NGRN: variants seen among roughly 807,000 people sequenced by gnomAD.
NGRN encodes the protein neugrin, neurite outgrowth associated, also known as neugrin.
NGRN carries 12 observed loss-of-function variants against 13.1 expected under a neutral mutation model. The observed-to-expected ratio is 0.92, with a 90% CI of 0.59 to 1.49. The LOEUF (loss-of-function observed/expected upper bound fraction) is 1.49. Ranked by LOEUF, NGRN falls within the 40% of genes most tolerant of loss-of-function variation. The pLI is 0.00. For missense variants in NGRN, 397 were observed against 357.0 expected (o/e 1.11, Z -0.90); for synonymous variants, 149 against 145.8 (o/e 1.02, Z -0.16).
chr15:90,270,442 C>G (rs946132240), intron 2 of NGRN, among the ~76,000 whole-genome samples: 8 of 152,208 alleles, frequency 5.3e-5, no homozygotes, highest in African/African-American at 1.7e-4. Context: ...TTCATCCTTT[C>G]AGACCAACTC....
At chr15:90,270,517 G>T (rs914912471) in intron 2 of NGRN, among the ~76,000 whole-genome samples, 8 of 152,044 alleles carry the variant, frequency 5.3e-5, no homozygotes, top group African/African-American at 1.9e-4. Flanking sequence ...CTATATCTGG[G>T]TCTCCCTCCT....
chr15:90,265,884 C>T lies in NGRN; in HGVS notation c.164+8C>T, dbSNP rs1344531740. 6.4e-7 allele frequency: 1 copy of T among 1,555,674 alleles called. No homozygotes were observed. The highest frequency in any genetic ancestry group is 8.7e-7 in the Non-Finnish European group (1 of 1,152,634). ...GCTGCAGGAGGTGGAGAGGTACCGG[C>T]TTCTCCCCGGGCCCTCAGCTTGAAG... On this transcript the variant is annotated splice_region_variant and intron_variant, in intron 1 of 2. Transcript: ENST00000379095.
At chr15:90,266,046 C>T (rs1034580079) in intron 1 of NGRN, 170 bp downstream of exon 1, 1 of 1,421,124 alleles carries the variant, frequency 7.0e-7, no homozygotes, top group South Asian at 1.6e-5. Context: ...CCTGGGACCA[C>T]TGGTCCCTTC....
At chr15:90,269,584 G>A (rs1405382999) in intron 2 of NGRN, among the ~76,000 whole-genome samples, 1 of 151,668 alleles carries the variant, frequency 6.6e-6, no homozygotes, top group Non-Finnish European at 1.5e-5. Context: ...TGTCATTTTA[G>A]TTCACTCTGC....
rs1963462331 is a variant in NGRN, at chr15:90,268,659, T to C, written c.275+2261T>C. Among the ~76,000 whole-genome samples the C allele has an allele frequency of 2.0e-5, 3 of 152,162 alleles. No homozygotes were observed. In the South Asian group the frequency reaches 6.2e-4, roughly 32 times the overall value. On this transcript the variant is annotated intron_variant, in intron 2 of 2. Transcript: ENST00000379095. Reference sequence around the variant, plus strand: ...CCTACCCTTTGTTTGTTTGTATCACTGCAATAAAACTGCTCTCCTTAAATC... The same window carrying C: ...CCTACCCTTTGTTTGTTTGTATCACCGCAATAAAACTGCTCTCCTTAAATC...
chr15:90,266,605 T>A (rs1963427110), intron 2 of NGRN, among the ~76,000 whole-genome samples: 1 of 152,202 alleles, frequency 6.6e-6, no homozygotes. Context: ...GTTTTGTTTT[T>A]TAAAGAGACG....
At chr15:90,270,115 C>T (rs575823658) in intron 2 of NGRN, among the ~76,000 whole-genome samples, 4 of 152,176 alleles carry the variant, frequency 2.6e-5, no homozygotes, top group African/African-American at 7.2e-5. Context: ...AGGCTGGTCT[C>T]GAACTCCTGG....
Position 90,271,167 on chromosome 15 carries a change from A to T in NGRN, c.276-21A>T, listed in dbSNP as rs548014673. The T allele has an allele frequency of 3.1e-6, 5 of 1,598,048 alleles. No homozygotes were observed. The East Asian group carries it at 1.1e-4, about 36-fold the overall frequency. On this transcript the variant is annotated intron_variant, in intron 2 of 2. Coordinates refer to ENST00000379095, the MANE Select transcript of NGRN (RefSeq NM_001033088.3). ...TAGGAGACTTCTTCACAACTTGCAA[A>T]CCTGCTCCTTCTTCCCGTAGGTATT...
At chr15:90,270,059 T>C (rs1963482423) in intron 2 of NGRN, among the ~76,000 whole-genome samples, 1 of 152,132 alleles carries the variant, frequency 6.6e-6, no homozygotes, top group African/African-American at 2.4e-5. Context: ...CTAGGTTGAA[T>C]TCCTTTTTTT....
chr15:90,266,030 A>G, intron 1 of NGRN, 154 bp downstream of exon 1: 1 of 1,392,738 alleles, frequency 7.2e-7, no homozygotes, highest in Non-Finnish European at 9.2e-7. Context: ...TCAGGTGTTC[A>G]GCTCCCCTGG....
Position 90,271,406 on chromosome 15 carries a change from C to A in NGRN, c.494C>A (p.Ala165Glu). The A allele has an allele frequency of 1.9e-6, 3 of 1,614,048 alleles. No homozygotes were observed. The highest frequency in any genetic ancestry group is 2.5e-6 in the Non-Finnish European group (3 of 1,179,986). Residue 165 changes from alanine to glutamate, a missense_variant, in exon 3 of 3, where the codon GCA becomes GAA. Ala to Glu is a moderately radical substitution (Grantham distance 107). Transcript: ENST00000379095. ...GSGNTSKLLP[A>E]GHSVSGSLLM... is the part of the protein sequence containing the mutation. ...GGAAATACCTCAAAGCTGCTCCCTG[C>A]AGGCCACTCTGTATCAGGCTCTTTG... is the stretch of plus-strand genomic sequence containing the variant.
intron 2 of NGRN, among the ~76,000 whole-genome samples, chr15:90,270,826 A>G (rs1182085482): frequency 6.6e-6 from 1 of 152,168 alleles, no homozygotes; most frequent in Non-Finnish European, 1.5e-5. Flanking sequence ...CGGTTTTTCA[A>G]GCTCTCTTTT....
rs745862168 is a variant in NGRN at position 90,271,516 on chromosome 15, A to AATAC, written c.606_609dup (p.Pro204TyrfsTer10). On this transcript the variant is annotated frameshift_variant, in exon 3 of 3. Transcript: ENST00000379095. LOFTEE classifies it low-confidence loss of function (END_TRUNC). ...GATAGAGTCAGACACTCACAGGACA[A>AATAC]ATACACCAAGGAGAAGGAAGGGAAG... 12 of 1,614,018 alleles carry AATAC rather than the reference A, an allele frequency of 7.4e-6. No homozygotes were observed. Among genetic ancestry groups the AATAC allele is most frequent in the Non-Finnish European group, 1.0e-5 (12 of 1,180,040 alleles).
intron 2 of NGRN, among the ~76,000 whole-genome samples, chr15:90,267,865 G>A (rs942013734): frequency 6.6e-6 from 1 of 152,138 alleles, no homozygotes. Flanking sequence ...CATAGATTAT[G>A]TACTATTTTT....
Position 90,265,722 on chromosome 15 carries a change from A to G in NGRN, c.10A>G (p.Thr4Ala). The G allele has an allele frequency of 6.2e-7, 1 of 1,612,782 alleles. No homozygotes were observed. Among genetic ancestry groups the G allele is most frequent in the South Asian group, 1.1e-5 (1 of 91,040 alleles). ...GCTGGTTTGCGTCGACATGGCGGTT[A>G]CCCTGAGTCTCTTGCTGGGCGGGCG... Reference protein sequence around the residue: MAVTLSLLLGGRVC... With the variant: MAVALSLLLGGRVC... Residue 4 changes from threonine to alanine, a missense_variant, in exon 1 of 3, where the codon ACC (threonine) becomes GCC (alanine). Transcript: ENST00000379095.
At chr15:90,268,991 T>TG (rs1963467825) in intron 2 of NGRN, among the ~76,000 whole-genome samples, 2 of 85,718 alleles carry the variant, frequency 2.3e-5, no homozygotes, top group African/African-American at 8.7e-5. Context: ...ACTGATTCTC[T>TG]CTTTTTTTTT....
intron 2 of NGRN, among the ~76,000 whole-genome samples, chr15:90,266,677 G>GTGC (rs1277642693): frequency 6.6e-6 from 1 of 152,172 alleles, no homozygotes; most frequent in African/African-American, 2.4e-5. Flanking sequence ...GCCTCTCAGA[G>GTGC]TGCTGGGATT....
chr15:90,271,621 T>G lies in NGRN; in HGVS notation c.709T>G (p.Tyr237Asp). Residue 237 changes from tyrosine (Y) to aspartate (D), a missense_variant, in exon 3 of 3, where the codon TAC (tyrosine) becomes GAC (aspartate). Tyr to Asp is a radical substitution (Grantham distance 160). Transcript: ENST00000379095. Reference protein sequence around the residue: ...PLGHPRELQKYSSDSESPRGT... With the variant: ...PLGHPRELQKDSSDSESPRGT... ...AGGTCATCCAAGAGAGCTGCAGAAG[T>G]ACTCCAGTGATTCTGAGAGCCCCAG... 1 of 1,614,192 alleles carries G rather than the reference T, an allele frequency of 6.2e-7. No individual in the cohort carries two copies. Among genetic ancestry groups the G allele is most frequent in the Non-Finnish European group, 8.5e-7 (1 of 1,180,040 alleles).
In NGRN at chr15:90,268,957, C is replaced by G. The variant is rs1417145703; in HGVS notation, c.276-2231C>G. The stretch of plus-strand genomic sequence containing the variant: ...AACTGCTTTCTCCCACCCCCCCCCC[C>G]CCATTATTTATTTATTGATTGACAC... On this transcript the variant is annotated intron_variant, in intron 2 of 2. Coordinates refer to ENST00000379095, the MANE Select transcript of NGRN (RefSeq NM_001033088.3). Among the ~76,000 whole-genome samples the G allele has an allele frequency of 5.8e-5, 5 of 86,872 alleles. 1 individual carries two copies. Among genetic ancestry groups the G allele is most frequent in the African/African-American group, 7.9e-5 (2 of 25,304 alleles). The allele number at this position is 86,872 out of a possible 152,430, so 57.0% of individuals were successfully genotyped here.
Sources: allele counts gnomAD v4.1 joint callset (sites outside exome capture counted in the v4.1 genomes callset), GRCh38; gene constraint gnomAD v4.1.1; transcripts MANE v1.5; gene names NCBI Gene and HGNC (gene_info 2026-07-23, HGNC 2026-07-21).